Variants in SAMTOR observed in about 807,000 individuals in gnomAD.
The protein encoded by SAMTOR is S-adenosylmethionine sensor upstream of mTORC1.
the SAMTOR span, among the ~76,000 whole-genome samples, chr7:112,922,893 C>A: frequency 2.8e-5 from 4 of 140,406 alleles, no homozygotes; most frequent in South Asian, 4.7e-4. Flanking sequence ...GGGTCAGCCC[C>A]CCCCCCCCGG....
chr7:112,913,850 C>T, the SAMTOR span, among the ~76,000 whole-genome samples: 4 of 152,170 alleles, frequency 2.6e-5, no homozygotes, highest in Admixed American at 6.5e-5. Context: ...TCTTCCCCTA[C>T]CTTACTTAAA....
chr7:112,864,506 G>A, the SAMTOR span, among the ~76,000 whole-genome samples: 1 of 152,154 alleles, frequency 6.6e-6, no homozygotes, highest in South Asian at 2.1e-4. Flanking sequence ...ACAGTACAAA[G>A]ATCTTTGGGG....
the SAMTOR span, among the ~76,000 whole-genome samples, chr7:112,870,828 GGATA>G: frequency 6.6e-6 from 1 of 150,644 alleles, no homozygotes; most frequent in Non-Finnish European, 1.5e-5. Flanking sequence ...CAAAGTAAAG[GGATA>G]GAGAAAGATC....
chr7:112,857,129 G>GGCC, the SAMTOR span, among the ~76,000 whole-genome samples: 2 of 134,256 alleles, frequency 1.5e-5, no homozygotes, highest in African/African-American at 6.1e-5. Flanking sequence ...CTGTCGCCCA[G>GGCC]GCCGGACTGC....
the SAMTOR span, chr7:112,895,663 T>G: frequency 6.3e-7 from 1 of 1,594,418 alleles, no homozygotes; most frequent in African/African-American, 1.3e-5. Context: ...GTGGTCTTAG[T>G]GGCAAGTACA....
At chr7:112,910,399 C>T in the SAMTOR span, among the ~76,000 whole-genome samples, 1 of 151,806 alleles carries the variant, frequency 6.6e-6, no homozygotes, top group Non-Finnish European at 1.5e-5. Flanking sequence ...CAAAAGAATG[C>T]CAGCTAATAA....
the SAMTOR span, among the ~76,000 whole-genome samples, chr7:112,907,024 G>A: frequency 6.6e-6 from 1 of 152,062 alleles, no homozygotes; most frequent in African/African-American, 2.4e-5. Context: ...GCAAAAGCAA[G>A]AAAAACCAAG....
chr7:112,933,081 C>T, the SAMTOR span, among the ~76,000 whole-genome samples: 1 of 152,102 alleles, frequency 6.6e-6, no homozygotes, highest in East Asian at 1.9e-4. Context: ...CTTAATGCTA[C>T]CCTGAAGACA....
the SAMTOR span, among the ~76,000 whole-genome samples, chr7:112,912,120 G>A: frequency 6.6e-6 from 1 of 151,854 alleles, no homozygotes; most frequent in Non-Finnish European, 1.5e-5. Flanking sequence ...TTAGATTACT[G>A]TTAACTGTCT....
At chr7:112,838,114 A>C in the SAMTOR span, among the ~76,000 whole-genome samples, 1 of 151,960 alleles carries the variant, frequency 6.6e-6, no homozygotes, top group Non-Finnish European at 1.5e-5. Context: ...TGTGTGAGAG[A>C]GCGGAAACAA....
chr7:112,873,746 G>A, the SAMTOR span, among the ~76,000 whole-genome samples: 5 of 152,068 alleles, frequency 3.3e-5, no homozygotes, highest in African/African-American at 4.8e-5. Flanking sequence ...CTTCTGCACC[G>A]CAAAAGAAAC....
the SAMTOR span, among the ~76,000 whole-genome samples, chr7:112,859,796 T>C: frequency 6.6e-6 from 1 of 152,194 alleles, no homozygotes; most frequent in Non-Finnish European, 1.5e-5. Flanking sequence ...TAAGTGTTAC[T>C]GCAAAGGAGT....
chr7:112,922,005 A>G, the SAMTOR span, among the ~76,000 whole-genome samples: 1 of 151,622 alleles, frequency 6.6e-6, no homozygotes, highest in African/African-American at 2.4e-5. Flanking sequence ...TCTGATGCCG[A>G]GCCGAAGCTG....
the SAMTOR span, among the ~76,000 whole-genome samples, chr7:112,845,902 T>C: frequency 6.6e-6 from 1 of 152,090 alleles, no homozygotes; most frequent in Admixed American, 6.6e-5. Flanking sequence ...AAGAACAATA[T>C]AATGTCCATT....
At chr7:112,931,917 T>A in the SAMTOR span, among the ~76,000 whole-genome samples, 1 of 151,842 alleles carries the variant, frequency 6.6e-6, no homozygotes, top group Admixed American at 6.6e-5. Context: ...CACAAAACTA[T>A]TACTTTTTTT....
At chr7:112,872,554 G>A in the SAMTOR span, among the ~76,000 whole-genome samples, 1 of 151,924 alleles carries the variant, frequency 6.6e-6, no homozygotes, top group Non-Finnish European at 1.5e-5. Flanking sequence ...CCTAAGAATT[G>A]CAACAAGACA....
At chr7:112,884,495 G>T in the SAMTOR span, among the ~76,000 whole-genome samples, 1 of 152,156 alleles carries the variant, frequency 6.6e-6, no homozygotes, top group Admixed American at 6.5e-5. Flanking sequence ...CATTCCAAAT[G>T]GGAGAAATTG....
the SAMTOR span, among the ~76,000 whole-genome samples, chr7:112,910,881 CAT>C: frequency 6.6e-6 from 1 of 152,046 alleles, no homozygotes; most frequent in African/African-American, 2.4e-5. Flanking sequence ...CAGAACAGCT[CAT>C]ATGATACAAT....
At chr7:112,872,026 C>T in the SAMTOR span, among the ~76,000 whole-genome samples, 64 of 152,152 alleles carry the variant, frequency 4.2e-4, no homozygotes, top group African/African-American at 1.4e-3. Context: ...AATTCATAGC[C>T]GAATTCTACC....
Sources: gnomAD v4.1 joint callset for allele counts (sites outside exome capture counted in the v4.1 genomes callset) on GRCh38, gnomAD v4.1.1 for gene constraint, MANE v1.5 for transcripts, NCBI Gene and HGNC (gene_info 2026-07-23, HGNC 2026-07-21) for gene names.